CAMK2D: variants seen among roughly 807,000 people sequenced by gnomAD.
The protein encoded by CAMK2D is calcium/calmodulin dependent protein kinase II delta.
Under a neutral mutation model 84.0 loss-of-function variants are expected in CAMK2D, and 37 were observed. The ratio of observed to expected loss-of-function variants is 0.44; its 90% CI spans 0.34 to 0.58. The LOEUF is 0.58. Ranked by LOEUF, CAMK2D falls within the 20% of genes least tolerant of loss-of-function variation. The pLI is 0.02. For synonymous variants in CAMK2D, 202 were observed against 212.5 expected, an observed-to-expected ratio of 0.95 and a Z score of 0.43; for missense variants, 448 against 652.5, an observed-to-expected ratio of 0.69 and a Z score of 3.41.
chr4:113,625,606 T>C (rs1255303558), intron 3 of CAMK2D, among the ~76,000 whole-genome samples: 1 of 152,012 alleles, frequency 6.6e-6, no homozygotes, highest in Non-Finnish European at 1.5e-5. Flanking sequence ...TGAGAAACAG[T>C]GTGTCTGTAG....
Position 113,760,986 on chromosome 4 carries a change from C to T in CAMK2D, c.65+18G>A, listed in dbSNP as rs1218571989. The T allele has an allele frequency of 6.2e-7, 1 of 1,614,098 alleles. No individual in the cohort carries two copies. Among genetic ancestry groups the T allele is most frequent in the East Asian group, 2.2e-5 (1 of 44,876 alleles). On this transcript the variant is annotated intron_variant, in intron 1 of 20. Coordinates refer to ENST00000511664, the MANE Select transcript of CAMK2D (RefSeq NM_001321571.2). ...CAGCTGGAAAGGGGATATGCGGATG[C>T]CGGGCAAAGGTGCTTACTTTCCAAG... is the stretch of plus-strand genomic sequence containing the variant.
intron 2 of CAMK2D, among the ~76,000 whole-genome samples, chr4:113,725,980 C>G (rs2099544646): frequency 6.6e-6 from 1 of 152,134 alleles, no homozygotes; most frequent in Non-Finnish European, 1.5e-5. Flanking sequence ...TGGTCAACAA[C>G]AGCATTCTAA....
chr4:113,663,776 A>C (rs943651746), intron 2 of CAMK2D, among the ~76,000 whole-genome samples: 1 of 151,802 alleles, frequency 6.6e-6, no homozygotes, highest in Non-Finnish European at 1.5e-5. Flanking sequence ...AAAAGGAAGC[A>C]AAAGACCTTT....
chr4:113,520,980 G>GATC (rs36021587), intron 8 of CAMK2D, among the ~76,000 whole-genome samples: 30,965 of 151,976 alleles, frequency 0.2, 3,406 homozygotes, highest in Non-Finnish European at 0.26. Flanking sequence ...AGTGAACCAT[G>GATC]ATCACATCAC....
chr4:113,547,648 A>G lies in CAMK2D; in HGVS notation c.410T>C (p.Leu137Pro), dbSNP rs748841943. 1.9e-6 allele frequency: 3 copies of G among 1,558,522 alleles called. No individual in the cohort carries two copies. The highest frequency in any genetic ancestry group is 2.6e-6 in the Non-Finnish European group (3 of 1,155,542). The change falls in exon 6 of 21, where the codon CTG (leucine) becomes CCG (proline). Residue 137 changes from leucine (L) to proline (P), a missense_variant. Leu to Pro is a moderately conservative substitution (Grantham distance 98). Coordinates refer to ENST00000511664, the MANE Select transcript of CAMK2D (RefSeq NM_001321571.2). The part of the protein sequence containing the change: ...CHQMGVVHRD[L>P]KPENLLLASK... The stretch of plus-strand genomic sequence containing the variant: ...TTCTTCAACCGCATTACTCACCTTC[A>G]GGTCCCGATGGACCACGCCCATCTG...
Position 113,461,018 on chromosome 4 carries a change from C to T in CAMK2D, c.1212-777G>A, listed in dbSNP as rs1049238950. On this transcript the variant is annotated intron_variant, in intron 17 of 20. Coordinates refer to ENST00000511664, the MANE Select transcript of CAMK2D (RefSeq NM_001321571.2). Reference sequence around the variant, plus strand: ...AATAATTTTTGATGGACCACATATCCTACATTCATGTCAAACATGTATATT... The same window carrying T: ...AATAATTTTTGATGGACCACATATCTTACATTCATGTCAAACATGTATATT... 2.0e-5 allele frequency among the ~76,000 whole-genome samples: 3 copies of T among 152,102 alleles called. No homozygotes were observed. The East Asian group carries it at 5.8e-4, about 29-fold the overall frequency.
At chr4:113,535,764 T>G (rs1478608984) in intron 7 of CAMK2D, among the ~76,000 whole-genome samples, 1 of 152,202 alleles carries the variant, frequency 6.6e-6, no homozygotes, top group Non-Finnish European at 1.5e-5. Flanking sequence ...ACCATAAGTG[T>G]TAAGGCAATT....
intron 8 of CAMK2D, among the ~76,000 whole-genome samples, chr4:113,523,577 A>G (rs2098389313): frequency 6.6e-6 from 1 of 152,050 alleles, no homozygotes; most frequent in Non-Finnish European, 1.5e-5. Flanking sequence ...GTTTGAGACC[A>G]GCCTGGGCAA....
chr4:113,669,557 T>A (rs2099271377), intron 2 of CAMK2D, among the ~76,000 whole-genome samples: 1 of 145,542 alleles, frequency 6.9e-6, no homozygotes, highest in African/African-American at 2.6e-5. Context: ...GGCAGGAAAC[T>A]CTGATTATAC....
intron 3 of CAMK2D, among the ~76,000 whole-genome samples, chr4:113,648,167 C>A (rs2154299420): frequency 6.6e-6 from 1 of 152,116 alleles, no homozygotes; most frequent in South Asian, 2.1e-4. Context: ...TAAAAAGAAG[C>A]CTATACTGCA....
At chr4:113,614,616 T>C (rs1278499623) in intron 3 of CAMK2D, among the ~76,000 whole-genome samples, 2 of 152,132 alleles carry the variant, frequency 1.3e-5, no homozygotes, top group Admixed American at 6.6e-5. Flanking sequence ...AGGTCATAGC[T>C]GAACGAAACT....
chr4:113,718,392 G>T lies in CAMK2D; in HGVS notation c.160+40928C>A, dbSNP rs536562533. On this transcript the variant is annotated intron_variant, in intron 2 of 20. Coordinates refer to ENST00000511664, the MANE Select transcript of CAMK2D (RefSeq NM_001321571.2). ...CTTGTACTGAATCAATTCCTGGGTG[G>T]TGGCCACAAGACCAGATGAGCCAGT... Among the ~76,000 whole-genome samples the T allele has an allele frequency of 6.4e-4, 97 of 152,262 alleles. 1 individual carries two copies. The South Asian group carries it at 7.5e-3, about 12-fold the overall frequency.
At chr4:113,520,738 A>G (rs78755430) in intron 8 of CAMK2D, among the ~76,000 whole-genome samples, 1,554 of 152,042 alleles carry the variant, frequency 0.01, 29 homozygotes, top group African/African-American at 0.035. Flanking sequence ...GGGTTGCAAA[A>G]TAATGATGGC....
At chr4:113,664,528 G>C (rs1007618754) in intron 2 of CAMK2D, among the ~76,000 whole-genome samples, 1 of 152,210 alleles carries the variant, frequency 6.6e-6, no homozygotes, top group Non-Finnish European at 1.5e-5. Context: ...AAGGGTCTGA[G>C]TTCCTAGCTA....
intron 3 of CAMK2D, among the ~76,000 whole-genome samples, chr4:113,619,299 C>G (rs1291152089): frequency 6.6e-6 from 1 of 152,100 alleles, no homozygotes; most frequent in African/African-American, 2.4e-5. Context: ...AGTCCAGTAG[C>G]CTCCTATCTC....
At chr4:113,485,214 TCCCAAG>T (rs1306930195) in intron 16 of CAMK2D, among the ~76,000 whole-genome samples, 3 of 152,234 alleles carry the variant, frequency 2.0e-5, no homozygotes, top group African/African-American at 7.2e-5. Flanking sequence ...ATCATTTTTA[TCCCAAG>T]GGTAAGTCTT....
At chr4:113,615,466 T>A (rs528870885) in intron 3 of CAMK2D, among the ~76,000 whole-genome samples, 1 of 152,084 alleles carries the variant, frequency 6.6e-6, no homozygotes, top group Non-Finnish European at 1.5e-5. Flanking sequence ...GAGAGAAAAC[T>A]TTTCAAATAG....
At chr4:113,457,094 A>C in intron 19 of CAMK2D, 1 of 895,814 alleles carries the variant, frequency 1.1e-6, no homozygotes, top group Non-Finnish European at 1.5e-6. Flanking sequence ...TTGATCACGT[A>C]GTCTCTCGTC....
chr4:113,484,418 A>T (rs1051637562), intron 16 of CAMK2D, among the ~76,000 whole-genome samples: 1 of 152,114 alleles, frequency 6.6e-6, no homozygotes, highest in African/African-American at 2.4e-5. Context: ...ATGATTCCAG[A>T]TCTCTGCTTA....
Sources: gnomAD v4.1 joint callset for allele counts (sites outside exome capture counted in the v4.1 genomes callset) on GRCh38, gnomAD v4.1.1 for gene constraint, MANE v1.5 for transcripts, NCBI Gene and HGNC (gene_info 2026-07-23, HGNC 2026-07-21) for gene names.